SPEF2: variants seen among roughly 807,000 people sequenced by gnomAD.
SPEF2 encodes the protein sperm flagella and cilia-associated protein 2.
SPEF2 carries 187 observed loss-of-function variants against 224.6 expected under a neutral mutation model. The observed-to-expected ratio is 0.83, with a 90% confidence interval of 0.74 to 0.94. The LOEUF is 0.94. Among genes scored for constraint, SPEF2 ranks in the 40% least tolerant of loss-of-function variants. The probability of loss-of-function intolerance (pLI) is 0.00; values close to 1 mark genes in which losing one functional copy is unlikely to be tolerated. For synonymous variants in SPEF2, 715 were observed against 707.3 expected (o/e 1.01, Z -0.17); for missense variants, 2,170 against 2,135.6 (o/e 1.02, Z -0.32).
chr5:35,689,662 A>G (rs1754163143), intron 10 of SPEF2, among the ~76,000 whole-genome samples: 1 of 152,034 alleles, frequency 6.6e-6, no homozygotes, highest in Admixed American at 6.6e-5. Flanking sequence ...CTGCACCCAT[A>G]TTGCTGCTAA....
intron 10 of SPEF2, among the ~76,000 whole-genome samples, chr5:35,679,304 T>C (rs1489277263): frequency 1.3e-5 from 2 of 152,122 alleles, no homozygotes. Context: ...CAAGATAATT[T>C]CCCTGATGTG....
At chr5:35,713,811 ATATATG>A (rs1741776366) in intron 20 of SPEF2, among the ~76,000 whole-genome samples, 1 of 63,868 alleles carries the variant, frequency 1.6e-5, no homozygotes, top group Non-Finnish European at 3.3e-5. Context: ...TATATATAGT[ATATATG>A]TTATATATAG....
Position 35,677,691 on chromosome 5 carries a change from T to A in SPEF2, c.1524+7464T>A, listed in dbSNP as rs139848334. Among the ~76,000 whole-genome samples, 48 of 152,232 alleles carry A rather than the reference T, an allele frequency of 3.2e-4. 1 individual carries two copies. The East Asian group carries it at 9.3e-3, about 29-fold the overall frequency. On this transcript the variant is annotated intron_variant, in intron 10 of 36. Transcript: ENST00000356031. ...ACTACTTTTCCACTGATCTCCTGAG[T>A]CACTTCGAGCACAGCTGGAAATCAG...
At chr5:35,714,263 A>G (rs533626090) in intron 20 of SPEF2, among the ~76,000 whole-genome samples, 1 of 151,448 alleles carries the variant, frequency 6.6e-6, no homozygotes, top group South Asian at 2.1e-4. Context: ...ATCAAAGAGT[A>G]AAGAGAACCT....
chr5:35,768,928 A>T (rs563610063), intron 26 of SPEF2, among the ~76,000 whole-genome samples: 1 of 152,158 alleles, frequency 6.6e-6, no homozygotes, highest in African/African-American at 2.4e-5. Context: ...TTAGTAGACC[A>T]TGTTAATTTT....
At chr5:35,782,406 G>A (rs61180877) in intron 30 of SPEF2, among the ~76,000 whole-genome samples, 7,102 of 152,146 alleles carry the variant, frequency 0.047, 469 homozygotes, top group African/African-American at 0.14. Context: ...TAATATCTAA[G>A]ATGCAACTTT....
intron 12 of SPEF2, 46 bp from the exon 13 acceptor site, chr5:35,694,242 T>C: frequency 6.9e-7 from 1 of 1,449,182 alleles, no homozygotes; most frequent in Non-Finnish European, 9.6e-7. Context: ...ATTATTAAAA[T>C]ATAGCAATGG....
At chr5:35,642,473 A>G (rs1312719969) in intron 3 of SPEF2, among the ~76,000 whole-genome samples, 1 of 152,134 alleles carries the variant, frequency 6.6e-6, no homozygotes, top group Non-Finnish European at 1.5e-5. Flanking sequence ...TACCGTCCTG[A>G]TACTGATATT....
At chr5:35,697,557 T>C in intron 14 of SPEF2, 133 bp from the exon 15 acceptor site, 1 of 632,344 alleles carries the variant, frequency 1.6e-6, no homozygotes, top group South Asian at 2.3e-5. Flanking sequence ...AATGCTTCCC[T>C]GACTCCCGAA....
In SPEF2 at chr5:35,800,063, G is replaced by T. The variant is rs201846892; in HGVS notation, c.4926G>T (p.Val1642=). The T allele has an allele frequency of 1.0e-4, 162 of 1,613,948 alleles. No individual in the cohort carries two copies. Among genetic ancestry groups the T allele is most frequent in the Non-Finnish European group, 1.3e-4 (150 of 1,180,018 alleles). ...ACTTTGCTTGCCACCCAGACACCGT[G>T]GAAGGAGTCTACAGGGCCCTCAGTG... is the stretch of plus-strand genomic sequence containing the variant. ...LLYFACHPDT[V]EGVYRALSVA... The change falls in exon 34 of 37, where the codon GTG becomes GTT. Residue 1642 remains valine (V), a synonymous_variant. Coordinates refer to ENST00000356031, the MANE Select transcript of SPEF2 (RefSeq NM_024867.4).
At chr5:35,715,816 CTT>C (rs1554040257) in intron 20 of SPEF2, among the ~76,000 whole-genome samples, 1 of 117,936 alleles carries the variant, frequency 8.5e-6, no homozygotes, top group Non-Finnish European at 1.7e-5. Flanking sequence ...GATATAATTT[CTT>C]TTTTTTTTTT....
chr5:35,621,093 G>A (rs576993780), intron 1 of SPEF2, among the ~76,000 whole-genome samples: 2 of 152,188 alleles, frequency 1.3e-5, no homozygotes, highest in East Asian at 3.9e-4. Flanking sequence ...CATTAAAGAT[G>A]AAAGATCAAA....
At chr5:35,656,795 G>C (rs554824957) in intron 7 of SPEF2, among the ~76,000 whole-genome samples, 2 of 152,354 alleles carry the variant, frequency 1.3e-5, no homozygotes, top group South Asian at 4.1e-4. Flanking sequence ...CTAAAAAAGA[G>C]CCAGGGCTCT....
At chr5:35,796,882 A>G (rs1756745755) in intron 33 of SPEF2, among the ~76,000 whole-genome samples, 1 of 152,164 alleles carries the variant, frequency 6.6e-6, no homozygotes, top group Non-Finnish European at 1.5e-5. Flanking sequence ...GAGTTACCCA[A>G]AAGTCCAAGA....
intron 28 of SPEF2, among the ~76,000 whole-genome samples, chr5:35,774,509 AG>A (rs910399769): frequency 1.1e-4 from 17 of 152,288 alleles, no homozygotes; most frequent in African/African-American, 3.8e-4. Flanking sequence ...GCCATAGGAG[AG>A]CCAGTCATAT....
chr5:35,765,031 T>A (rs1051958588), intron 26 of SPEF2, among the ~76,000 whole-genome samples: 66 of 152,298 alleles, frequency 4.3e-4, no homozygotes, highest in African/African-American at 1.6e-3. Context: ...TGCACCTACC[T>A]AGTCATTCTT....
In SPEF2 at chr5:35,690,310, G is replaced by T. The variant is rs74463251; in HGVS notation, c.1525-727G>T. Among the ~76,000 whole-genome samples the T allele has an allele frequency of 5.3e-5, 8 of 152,156 alleles. No individual in the cohort carries two copies. The East Asian group carries it at 1.3e-3, about 26-fold the overall frequency. On this transcript the variant is annotated intron_variant, in intron 10 of 36. Coordinates refer to ENST00000356031, the MANE Select transcript of SPEF2 (RefSeq NM_024867.4). Reference sequence around the variant, plus strand: ...ACTGATTTATTGAACATTGCACCTCGATCAAGGCATTTTAGGCTAAGGGGC... The same window carrying T: ...ACTGATTTATTGAACATTGCACCTCTATCAAGGCATTTTAGGCTAAGGGGC...
intron 10 of SPEF2, among the ~76,000 whole-genome samples, chr5:35,680,373 C>T (rs972555037): frequency 1.3e-5 from 2 of 152,096 alleles, no homozygotes; most frequent in African/African-American, 4.8e-5. Context: ...CTGATCTTGT[C>T]CCTAATTTTG....
Position 35,814,526 on chromosome 5 carries a change from T to G in SPEF2, c.5442T>G (p.Pro1814=). The change falls in exon 37 of 37, where the codon CCT becomes CCG. Residue 1814 remains proline (P), a synonymous_variant. Transcript: ENST00000356031. The part of the protein sequence containing the change: ...HVQGSDGERS[P]SRHTEEKK ...AAGGAAGTGATGGAGAGAGATCACC[T>G]TCAAGACATACAGAGGAAAAGAAAT... 1 of 1,607,880 alleles carries G rather than the reference T, an allele frequency of 6.2e-7. No homozygotes were observed. The highest frequency in any genetic ancestry group is 1.1e-5 in the South Asian group (1 of 89,958).
Sources: allele counts gnomAD v4.1 joint callset (sites outside exome capture counted in the v4.1 genomes callset), GRCh38; gene constraint gnomAD v4.1.1; transcripts MANE v1.5; gene names NCBI Gene and HGNC (gene_info 2026-07-23, HGNC 2026-07-21).